RB1CC1: variants seen among roughly 807,000 people sequenced by gnomAD.
The protein encoded by RB1CC1 is RB1-inducible coiled-coil protein 1.
Under a neutral mutation model 177.5 loss-of-function variants are expected in RB1CC1, and 46 were observed. The ratio of observed to expected loss-of-function variants is 0.26; its 90% CI spans 0.20 to 0.33. The LOEUF is 0.33. RB1CC1 is among the 10% of genes least tolerant of loss of function. The probability of loss-of-function intolerance (pLI) is 1.00; values close to 1 mark genes in which losing one functional copy is unlikely to be tolerated. For synonymous variants in RB1CC1, 666 were observed against 613.6 expected (o/e 1.09, Z -1.26); for missense variants, 1,703 against 1,816.3 (o/e 0.94, Z 1.13).
chr8:52,705,107 GAAC>G (rs1433702180), intron 1 of RB1CC1, among the ~76,000 whole-genome samples: 1 of 152,120 alleles, frequency 6.6e-6, no homozygotes, highest in Admixed American at 6.6e-5. Flanking sequence ...TCGTAGGACA[GAAC>G]AACTGTCAAA....
Position 52,677,035 on chromosome 8 carries a change from C to G in RB1CC1, c.370-464G>C, listed in dbSNP as rs529995026. 2.0e-5 allele frequency among the ~76,000 whole-genome samples: 3 copies of G among 152,210 alleles called. No individual in the cohort carries two copies. The South Asian group carries it at 6.2e-4, about 32-fold the overall frequency. On this transcript the variant is annotated intron_variant, in intron 5 of 23. Coordinates refer to ENST00000025008, the MANE Select transcript of RB1CC1 (RefSeq NM_014781.5). ...AGAAAATATTTAAGCAGTGAAAATA[C>G]CTTCAGAAAATAGACATCTGACATT...
Position 52,628,132 on chromosome 8 carries a change from G to A in RB1CC1, c.4536C>T (p.Asp1512=), listed in dbSNP as rs375798667. The A allele has an allele frequency of 1.8e-4, 286 of 1,608,740 alleles. No individual in the cohort carries two copies. Among genetic ancestry groups the A allele is most frequent in the Admixed American group, 6.0e-4 (36 of 59,634 alleles). Residue 1512 remains aspartate (D), a synonymous_variant, in exon 22 of 24, where the codon GAC becomes GAT. Coordinates refer to ENST00000025008, the MANE Select transcript of RB1CC1 (RefSeq NM_014781.5). ...QVGDLVLIIL[D]ERHDNYVLFT... is the part of the protein sequence containing the mutation. ...ATAACACATAATTGTCATGGCGTTC[G>A]TCTAGGATGATGAGTACCAAATCTC...
At chr8:52,624,483 C>A (rs1203645818) in intron 23 of RB1CC1, among the ~76,000 whole-genome samples, 1 of 151,914 alleles carries the variant, frequency 6.6e-6, no homozygotes, top group Non-Finnish European at 1.5e-5. Context: ...AGAACACAGA[C>A]TTCGTAGTAG....
chr8:52,698,170 C>T (rs191142639), intron 1 of RB1CC1, among the ~76,000 whole-genome samples: 3 of 151,976 alleles, frequency 2.0e-5, no homozygotes, highest in Non-Finnish European at 2.9e-5. Context: ...ACAACCTCCC[C>T]GGCTCAAGCA....
chr8:52,686,754 A>G (rs1854308011), intron 2 of RB1CC1, 99 bp downstream of exon 2: 1 of 318,668 alleles, frequency 3.1e-6, no homozygotes, highest in Non-Finnish European at 6.2e-6. Flanking sequence ...TTATTAGAGA[A>G]GGAAAAAGCA....
chr8:52,684,138 C>A, intron 3 of RB1CC1, 125 bp from the exon 4 acceptor site: 1 of 1,125,082 alleles, frequency 8.9e-7, no homozygotes, highest in Non-Finnish European at 1.2e-6. Flanking sequence ...TCCCCAAAAA[C>A]AGTAATAAAA....
intron 23 of RB1CC1, 31 bp downstream of exon 23, chr8:52,624,686 C>T (rs747335332): frequency 6.6e-7 from 1 of 1,516,340 alleles, no homozygotes; most frequent in Non-Finnish European, 9.1e-7. Flanking sequence ...TTACAGTTCC[C>T]AGGCTTAGTA....
chr8:52,698,526 G>A (rs1855665108), intron 1 of RB1CC1, among the ~76,000 whole-genome samples: 1 of 151,658 alleles, frequency 6.6e-6, no homozygotes. Context: ...TGTTAGCCAG[G>A]GTGGTCTTGA....
intron 18 of RB1CC1, among the ~76,000 whole-genome samples, chr8:52,639,802 T>C (rs1849424375): frequency 6.6e-6 from 1 of 152,174 alleles, no homozygotes. Context: ...ATTCCTAAAA[T>C]ACTCCACTGG....
In RB1CC1 at chr8:52,657,055, C is replaced by A. The variant is rs559029128; in HGVS notation, c.2774G>T (p.Cys925Phe). The A allele has an allele frequency of 1.2e-6, 2 of 1,612,140 alleles. No homozygotes were observed. The highest frequency in any genetic ancestry group is 1.7e-4 in the Middle Eastern group (1 of 6,046). Reference sequence around the variant, plus strand: ...CTTCTGATCCTTTTCATTCTGCAGGCAGATTACAGCTTCTTTTTCATGTTT... The same window carrying A: ...CTTCTGATCCTTTTCATTCTGCAGGAAGATTACAGCTTCTTTTTCATGTTT... ...LVKHEKEAVI[C>F]LQNEKDQKLL... Residue 925 changes from cysteine to phenylalanine, a missense_variant, in exon 15 of 24, where the codon TGC becomes TTC. Transcript: ENST00000025008.
rs372665864 is a variant in RB1CC1 at position 52,661,490 on chromosome 8, T to C, written c.1358+45A>G. 4.6e-6 allele frequency: 7 copies of C among 1,513,462 alleles called. No individual in the cohort carries two copies. In the African/African-American group the frequency reaches 8.4e-5, roughly 18 times the overall value. 93.8% of individuals were successfully genotyped at this position (1,513,462 alleles called of 1,614,324 possible). ...ATCATTTGGGAGAAATAAATATAAA[T>C]ACCAATTCTAAACATCTTAAAACAG... On this transcript the variant is annotated intron_variant, in intron 9 of 23. Coordinates refer to ENST00000025008, the MANE Select transcript of RB1CC1 (RefSeq NM_014781.5).
intron 15 of RB1CC1, among the ~76,000 whole-genome samples, chr8:52,649,080 C>T (rs1314993086): frequency 6.6e-6 from 1 of 152,116 alleles, no homozygotes; most frequent in Non-Finnish European, 1.5e-5. Flanking sequence ...TTAATACTTT[C>T]GAACCATGGG....
rs1363955369 is a variant in RB1CC1 at position 52,714,272 on chromosome 8, A to C, written c.-364T>G. On this transcript the variant is annotated 5_prime_UTR_variant, in exon 1 of 24. Coordinates refer to ENST00000025008, the MANE Select transcript of RB1CC1 (RefSeq NM_014781.5). ...GAGGCAGGGAGGGGTCCGGGCGGAC[A>C]AGGACGCGAGCAGGCCCCTCGGCTC... is the stretch of plus-strand genomic sequence containing the variant. The C allele has an allele frequency of 5.1e-6, 1 of 197,550 alleles. No homozygotes were observed. Among genetic ancestry groups the C allele is most frequent in the Non-Finnish European group, 1.1e-5 (1 of 92,404 alleles). 12.2% of individuals were successfully genotyped at this position (197,550 alleles called of 1,614,324 possible).
At chr8:52,690,093 T>C (rs1011851569) in intron 1 of RB1CC1, among the ~76,000 whole-genome samples, 9 of 152,194 alleles carry the variant, frequency 5.9e-5, no homozygotes, top group African/African-American at 1.9e-4. Context: ...AGAAAAGTCA[T>C]GCAGATCTGA....
At chr8:52,711,691 T>C (rs900425917) in intron 1 of RB1CC1, among the ~76,000 whole-genome samples, 2 of 152,272 alleles carry the variant, frequency 1.3e-5, no homozygotes, top group African/African-American at 2.4e-5. Context: ...CTTGAATTCA[T>C]CTGTAGACCT....
chr8:52,675,712 TCCAAAAAAAAA>T (rs1853047787), intron 6 of RB1CC1, among the ~76,000 whole-genome samples: 2 of 48,416 alleles, frequency 4.1e-5, no homozygotes, highest in Admixed American at 2.8e-4. Flanking sequence ...CTACTAAAAA[TCCAAAAAAAAA>T]AAAAAAAAAA....
intron 16 of RB1CC1, among the ~76,000 whole-genome samples, chr8:52,644,856 A>G (rs898980402): frequency 6.6e-6 from 1 of 152,222 alleles, no homozygotes; most frequent in Non-Finnish European, 1.5e-5. Flanking sequence ...AACCATAAAT[A>G]TGCAGTTTCA....
chr8:52,712,211 TATC>T (rs1298157194), intron 1 of RB1CC1, among the ~76,000 whole-genome samples: 2 of 152,130 alleles, frequency 1.3e-5, no homozygotes, highest in Non-Finnish European at 2.9e-5. Flanking sequence ...AGTCAGAAAA[TATC>T]ATTACCTGAA....
chr8:52,624,895 G>GA (rs1848274018), intron 22 of RB1CC1, 108 bp from the exon 23 acceptor site: 2 of 737,156 alleles, frequency 2.7e-6, no homozygotes, highest in Non-Finnish European at 4.2e-6. Context: ...ATGAGTGGAA[G>GA]AATATGTAAG....
Sources: gnomAD v4.1 joint callset for allele counts (sites outside exome capture counted in the v4.1 genomes callset) on GRCh38, gnomAD v4.1.1 for gene constraint, MANE v1.5 for transcripts, NCBI Gene and HGNC (gene_info 2026-07-23, HGNC 2026-07-21) for gene names.